FYB1: variants seen among roughly 807,000 people sequenced by gnomAD.
FYB1 encodes the protein FYN binding protein 1, also known as FYN-binding protein 1.
Under a neutral mutation model 94.1 loss-of-function variants are expected in FYB1, and 41 were observed. The ratio of observed to expected loss-of-function variants is 0.44; its 90% CI spans 0.34 to 0.57. The LOEUF is 0.57. FYB1 is among the 20% of genes least tolerant of loss of function. The pLI is 0.02. For missense variants in FYB1, 1,050 were observed against 976.8 expected, an observed-to-expected ratio of 1.07 and a Z score of -1.00; for synonymous variants, 367 against 353.2, an observed-to-expected ratio of 1.04 and a Z score of -0.44.
At chr5:39,137,009 T>C (rs1741727801) in intron 7 of FYB1, among the ~76,000 whole-genome samples, 1 of 152,006 alleles carries the variant, frequency 6.6e-6, no homozygotes, top group African/African-American at 2.4e-5. Flanking sequence ...GTGGTAGTAA[T>C]GGTAGAAAAC....
upstream of FYB1, among the ~76,000 whole-genome samples, chr5:39,222,870 A>T (rs1326548384): frequency 6.6e-6 from 1 of 152,158 alleles, no homozygotes; most frequent in Non-Finnish European, 1.5e-5. Flanking sequence ...GCTGATAATT[A>T]CATTTGATTC....
At chr5:39,244,052 G>T (rs1751347618) in intron 1 of FYB1, among the ~76,000 whole-genome samples, 4 of 152,084 alleles carry the variant, frequency 2.6e-5, no homozygotes, top group Admixed American at 2.6e-4. Context: ...CTGAGACAAT[G>T]GGGTTTTCTA....
chr5:39,197,430 T>G (rs1278742626), intron 2 of FYB1, among the ~76,000 whole-genome samples: 1 of 152,222 alleles, frequency 6.6e-6, no homozygotes, highest in Non-Finnish European at 1.5e-5. Context: ...CATTTTTTGT[T>G]GGAGTTCATG....
intron 1 of FYB1, among the ~76,000 whole-genome samples, chr5:39,240,933 G>C (rs1751177078): frequency 6.6e-6 from 1 of 152,144 alleles, no homozygotes; most frequent in South Asian, 2.1e-4. Context: ...ACACCATTCA[G>C]TGGTAGACTG....
At chr5:39,116,771 C>T (rs1312724795) in intron 16 of FYB1, among the ~76,000 whole-genome samples, 1 of 151,538 alleles carries the variant, frequency 6.6e-6, no homozygotes, top group East Asian at 1.9e-4. Flanking sequence ...CCAGCAGCAT[C>T]AATTACCTGG....
chr5:39,268,200 G>C (rs1752512977), intron 1 of FYB1, among the ~76,000 whole-genome samples: 1 of 151,204 alleles, frequency 6.6e-6, no homozygotes, highest in Non-Finnish European at 1.5e-5. Flanking sequence ...TATAGAACAC[G>C]CTTAATGTTT....
intron 14 of FYB1, among the ~76,000 whole-genome samples, chr5:39,119,992 T>G (rs1739941181): frequency 6.6e-6 from 1 of 152,180 alleles, no homozygotes; most frequent in Non-Finnish European, 1.5e-5. Context: ...TAGATAATTA[T>G]GTAGCTTGGC....
chr5:39,161,589 T>G (rs77838080), intron 2 of FYB1, among the ~76,000 whole-genome samples: 1 of 144,216 alleles, frequency 6.9e-6, no homozygotes, highest in African/African-American at 2.5e-5. Flanking sequence ...AGCAATCTGG[T>G]TTTTTTTTTT....
intron 1 of FYB1, chr5:39,208,805 G>A (rs1282066803): frequency 6.6e-6 from 1 of 152,132 alleles, no homozygotes; most frequent in Non-Finnish European, 1.5e-5. Flanking sequence ...GCCTGACCAG[G>A]AGGTGTAACA....
Position 39,202,454 on chromosome 5 carries a change from CGCTT to C in FYB1, c.503_506del (p.Gln168ArgfsTer5). On this transcript the variant is annotated frameshift_variant, in exon 2 of 19. Coordinates refer to ENST00000512982, the MANE Select transcript of FYB1 (RefSeq NM_001465.6). LOFTEE classifies it high-confidence loss of function. ...CTTTAACCCCAGTCAATTTGGGAAA[CGCTT>C]GCTTCTGTTCATTTTCTGAGGTTGG... 6.2e-7 allele frequency: 1 copy of C among 1,613,866 alleles called. No individual in the cohort carries two copies. Among genetic ancestry groups the C allele is most frequent in the Admixed American group, 1.7e-5 (1 of 60,000 alleles).
At chr5:39,115,348 G>A (rs944315238) in intron 16 of FYB1, among the ~76,000 whole-genome samples, 46 of 151,944 alleles carry the variant, frequency 3.0e-4, no homozygotes, top group Admixed American at 2.8e-3. Context: ...GCCCACCTCC[G>A]CCTCCCAAAG....
chr5:39,209,506 A>C (rs1180518814), intron 1 of FYB1, among the ~76,000 whole-genome samples: 2 of 151,922 alleles, frequency 1.3e-5, no homozygotes, highest in East Asian at 3.9e-4. Flanking sequence ...TTGTATTTTT[A>C]ATAGAGATGG....
At chr5:39,204,067 C>G (rs1748618941) in intron 1 of FYB1, among the ~76,000 whole-genome samples, 1 of 152,118 alleles carries the variant, frequency 6.6e-6, no homozygotes, top group Non-Finnish European at 1.5e-5. Flanking sequence ...AACATGCTTT[C>G]CTACCTCTCA....
At chr5:39,222,779 C>A (rs1750323947), upstream of FYB1, among the ~76,000 whole-genome samples, 1 of 152,078 alleles carries the variant, frequency 6.6e-6, no homozygotes, top group African/African-American at 2.4e-5. Context: ...AATAAACACC[C>A]ATTTTTCTAT....
intron 2 of FYB1, among the ~76,000 whole-genome samples, chr5:39,179,948 A>T (rs1360747728): frequency 1.3e-5 from 2 of 151,552 alleles, no homozygotes; most frequent in Admixed American, 1.3e-4. Flanking sequence ...TCCCTATCTA[A>T]CCCTCCAGGA....
chr5:39,224,470 C>A (rs1273173772), upstream of FYB1, among the ~76,000 whole-genome samples: 2 of 152,150 alleles, frequency 1.3e-5, no homozygotes, highest in East Asian at 1.9e-4. Flanking sequence ...TTTCTGGAAG[C>A]TTGTTGTTGC....
chr5:39,106,046 A>C lies in FYB1; in HGVS notation c.*1397T>G, dbSNP rs1293537747. The C allele has an allele frequency of 6.6e-6, 1 of 152,220 alleles. No individual in the cohort carries two copies. The allele number at this position is 152,220 out of a possible 1,614,324, so 9.4% of individuals were successfully genotyped here. A position where few individuals can be genotyped will look rare whatever the true frequency, so the allele number is the denominator to read the frequency against. On this transcript the variant is annotated 3_prime_UTR_variant, in exon 19 of 19. Coordinates refer to ENST00000512982, the MANE Select transcript of FYB1 (RefSeq NM_001465.6). ...AACTCCAATGGGCCTTTGCAATATTAAAATGTGGAGAATGCATTAATCATT... is the reference window on the plus strand; with the variant it reads ...AACTCCAATGGGCCTTTGCAATATTCAAATGTGGAGAATGCATTAATCATT...
At chr5:39,159,900 C>T (rs1428911202) in intron 2 of FYB1, among the ~76,000 whole-genome samples, 1 of 152,156 alleles carries the variant, frequency 6.6e-6, no homozygotes, top group Non-Finnish European at 1.5e-5. Flanking sequence ...CCATCTTAAA[C>T]ATGGTCTGAT....
chr5:39,158,680 TTCTA>T (rs1471831657), intron 2 of FYB1, among the ~76,000 whole-genome samples: 2 of 152,200 alleles, frequency 1.3e-5, no homozygotes, highest in African/African-American at 4.8e-5. Context: ...ACCTTGTAGA[TTCTA>T]ATGTTTGTGA....
Sources: allele counts gnomAD v4.1 joint callset (sites outside exome capture counted in the v4.1 genomes callset), GRCh38; gene constraint gnomAD v4.1.1; transcripts MANE v1.5; gene names NCBI Gene and HGNC (gene_info 2026-07-23, HGNC 2026-07-21).